The following SNX8 variants were observed in gnomAD, a reference collection of about 807,000 sequenced individuals.
SNX8 encodes sorting nexin 8, also known as sorting nexin-8.
In SNX8, 25 loss-of-function variants were observed where a neutral mutation model predicts 51.6. That is an observed-to-expected ratio of 0.48 (90% CI 0.35 to 0.68). SNX8 has a LOEUF of 0.68. SNX8 is among the 30% of genes least tolerant of loss of function. The pLI is 0.00. For synonymous variants in SNX8, 324 were observed against 277.0 expected, an observed-to-expected ratio of 1.17 and a Z score of -1.68; for missense variants, 695 against 624.0, an observed-to-expected ratio of 1.11 and a Z score of -1.21.
intron 1 of SNX8, among the ~76,000 whole-genome samples, chr7:2,350,889 C>T (rs559469771): frequency 5.3e-5 from 8 of 152,274 alleles, no homozygotes; most frequent in African/African-American, 1.9e-4. Context: ...TCAAGTGATC[C>T]TCCTGCCTCA....
chr7:2,302,478 T>A (rs1294103165), intron 1 of SNX8, among the ~76,000 whole-genome samples: 1 of 152,220 alleles, frequency 6.6e-6, no homozygotes, highest in Non-Finnish European at 1.5e-5. Context: ...GCCGCCTGCC[T>A]TGGCCTCCCA....
intron 1 of SNX8, among the ~76,000 whole-genome samples, chr7:2,346,040 T>A (rs989819804): frequency 1.3e-5 from 2 of 152,082 alleles, no homozygotes; most frequent in Admixed American, 6.5e-5. Context: ...ACTCCTGACC[T>A]CAAGTGATCT....
chr7:2,270,996 G>C (rs1038757142), intron 4 of SNX8, among the ~76,000 whole-genome samples: 23 of 152,356 alleles, frequency 1.5e-4, no homozygotes, highest in African/African-American at 5.1e-4. Flanking sequence ...TTCCCTGGAG[G>C]GGCTGGCAGC....
intron 1 of SNX8, among the ~76,000 whole-genome samples, chr7:2,343,450 C>T (rs1018956796): frequency 3.3e-5 from 5 of 151,754 alleles, no homozygotes; most frequent in Admixed American, 6.6e-5. Context: ...CCGAGGCGGG[C>T]GGATCACGAG....
At chr7:2,277,301 G>A (rs1795802304) in intron 2 of SNX8, among the ~76,000 whole-genome samples, 1 of 152,202 alleles carries the variant, frequency 6.6e-6, no homozygotes, top group Non-Finnish European at 1.5e-5. Context: ...CCCAATATCG[G>A]GATGCCCAGC....
chr7:2,259,585 A>G (rs1270579466), intron 7 of SNX8, among the ~76,000 whole-genome samples: 1 of 151,946 alleles, frequency 6.6e-6, no homozygotes, highest in African/African-American at 2.4e-5. Flanking sequence ...CACCCTCCAG[A>G]CCTCAGGCCG....
At chr7:2,277,242 G>A (rs1050594917) in intron 2 of SNX8, among the ~76,000 whole-genome samples, 1 of 152,212 alleles carries the variant, frequency 6.6e-6, no homozygotes, top group African/African-American at 2.4e-5. Flanking sequence ...AGAGAGCCAC[G>A]GTGTTGCTCC....
chr7:2,271,719 C>A, intron 4 of SNX8, 131 bp downstream of exon 4: 1 of 1,006,370 alleles, frequency 9.9e-7, no homozygotes, highest in Non-Finnish European at 1.4e-6. Flanking sequence ...AAGTCTTGTC[C>A]ATGTCATTCC....
chr7:2,328,013 G>A (rs1019624160), intron 1 of SNX8, among the ~76,000 whole-genome samples: 7 of 151,762 alleles, frequency 4.6e-5, no homozygotes, highest in Admixed American at 1.3e-4. Flanking sequence ...CCACAGGTGC[G>A]CACCACCATG....
intron 7 of SNX8, among the ~76,000 whole-genome samples, chr7:2,258,267 CG>C (rs1795246286): frequency 6.6e-6 from 1 of 152,126 alleles, no homozygotes; most frequent in Admixed American, 6.5e-5. Flanking sequence ...CCGCCCGCCT[CG>C]GCCTCCCAAA....
rs962975967 is a variant in SNX8 at position 2,275,325 on chromosome 7, T to C, written c.301-96A>G. ...AGCCCGGGAAAACGACAGCACCAAG[T>C]GCATCTTCTCTCACCAGGCCTTTAC... On this transcript the variant is annotated intron_variant, in intron 2 of 10. Transcript: ENST00000222990. 7.4e-6 allele frequency: 6 copies of C among 808,052 alleles called. No individual in the cohort carries two copies. In the African/African-American group the frequency reaches 1.0e-4, roughly 14 times the overall value. 50.1% of individuals were successfully genotyped at this position (808,052 alleles called of 1,614,324 possible).
At chr7:2,298,076 A>G (rs957806690) in intron 1 of SNX8, among the ~76,000 whole-genome samples, 3 of 152,060 alleles carry the variant, frequency 2.0e-5, no homozygotes, top group African/African-American at 7.3e-5. Flanking sequence ...AAAAAATGTT[A>G]AAGCACCTAG....
At chr7:2,302,143 C>G (rs1240582409) in intron 1 of SNX8, among the ~76,000 whole-genome samples, 3 of 152,144 alleles carry the variant, frequency 2.0e-5, no homozygotes, top group Non-Finnish European at 2.9e-5. Flanking sequence ...CGGTCTCCCT[C>G]TGATGCCGAG....
At chr7:2,272,067 G>A (rs1795661793) in intron 3 of SNX8, 96 bp from the exon 4 acceptor site, 1 of 1,542,206 alleles carries the variant, frequency 6.5e-7, no homozygotes, top group Admixed American at 1.8e-5. Context: ...AGAGGTGGCA[G>A]AGGGCCCAGC....
At chr7:2,258,959 G>A (rs937167521) in intron 7 of SNX8, among the ~76,000 whole-genome samples, 2 of 152,086 alleles carry the variant, frequency 1.3e-5, no homozygotes, top group Non-Finnish European at 2.9e-5. Context: ...AGCCCCCACG[G>A]GCGAACCCCA....
At chr7:2,263,097 A>G (rs2115100885) in intron 7 of SNX8, 133 bp downstream of exon 7, 2 of 1,115,376 alleles carry the variant, frequency 1.8e-6, no homozygotes, top group Non-Finnish European at 2.6e-6. Flanking sequence ...CCAGCCTGGC[A>G]ACAGAGGGAG....
intron 1 of SNX8, among the ~76,000 whole-genome samples, chr7:2,288,770 G>C (rs1796088067): frequency 6.6e-6 from 1 of 152,168 alleles, no homozygotes. Context: ...GTCTCACTCT[G>C]TCGCCCAGGC....
At chr7:2,260,091 T>G (rs1795299996) in intron 7 of SNX8, among the ~76,000 whole-genome samples, 1 of 151,926 alleles carries the variant, frequency 6.6e-6, no homozygotes, top group Non-Finnish European at 1.5e-5. Flanking sequence ...TTTCAGAAAG[T>G]TTACAGATTT....
chr7:2,289,461 A>C (rs1340931040), intron 1 of SNX8, among the ~76,000 whole-genome samples: 1 of 152,174 alleles, frequency 6.6e-6, no homozygotes, highest in Non-Finnish European at 1.5e-5. Context: ...GCCAACATTC[A>C]GCATTTTCCG....
Sources: allele counts gnomAD v4.1 joint callset (sites outside exome capture counted in the v4.1 genomes callset), GRCh38; gene constraint gnomAD v4.1.1; transcripts MANE v1.5; gene names NCBI Gene and HGNC (gene_info 2026-07-23, HGNC 2026-07-21).